WDR1: variants seen among roughly 807,000 people sequenced by gnomAD.
The protein encoded by WDR1 is WD repeat domain 1.
WDR1 carries 21 observed loss-of-function variants against 71.9 expected under a neutral mutation model. The ratio of observed to expected loss-of-function variants is 0.29; its 90% CI spans 0.21 to 0.42. The LOEUF is 0.42. Ranked by LOEUF, WDR1 falls within the 10% of genes least tolerant of loss-of-function variation. The pLI, the probability that WDR1 is intolerant of heterozygous loss-of-function variation, is 1.00. For synonymous variants in WDR1, 424 were observed against 347.4 expected, an observed-to-expected ratio of 1.22 and a Z score of -2.45; for missense variants, 696 against 824.5, an observed-to-expected ratio of 0.84 and a Z score of 1.91.
intron 7 of WDR1, 129 bp downstream of exon 7, chr4:10,088,164 T>C (rs1486206316): frequency 3.9e-6 from 4 of 1,015,962 alleles, no homozygotes; most frequent in African/African-American, 1.6e-5. Flanking sequence ...TCTGGGCAGA[T>C]ATAAAACCGC....
At chr4:10,091,793 G>A (rs1283395394) in intron 5 of WDR1, 2 of 152,306 alleles carry the variant, frequency 1.3e-5, no homozygotes, top group Non-Finnish European at 2.9e-5. Context: ...ACGGTCCCTT[G>A]TCCATGTCAG....
intron 2 of WDR1, among the ~76,000 whole-genome samples, chr4:10,110,253 G>A (rs534044003): frequency 6.6e-6 from 1 of 152,320 alleles, no homozygotes; most frequent in East Asian, 1.9e-4. Flanking sequence ...AGACGGCGAA[G>A]AGACGCACAC....
intron 3 of WDR1, among the ~76,000 whole-genome samples, chr4:10,101,756 C>G (rs978280734): frequency 2.0e-5 from 3 of 152,252 alleles, no homozygotes; most frequent in Non-Finnish European, 4.4e-5. Context: ...TGACAGGGCA[C>G]GGACAATGTG....
chr4:10,101,284 G>A (rs982299938), intron 3 of WDR1, among the ~76,000 whole-genome samples: 1 of 152,258 alleles, frequency 6.6e-6, no homozygotes. Flanking sequence ...CACTTCAGCA[G>A]TCATGAACCA....
chr4:10,091,004 G>T (rs1310903152), intron 5 of WDR1, among the ~76,000 whole-genome samples: 1 of 152,264 alleles, frequency 6.6e-6, no homozygotes, highest in Non-Finnish European at 1.5e-5. Context: ...TCAGGTCTGT[G>T]ATCAGCTCAT....
chr4:10,088,821 C>T (rs1390307369), intron 5 of WDR1, 80 bp from the exon 6 acceptor site: 1 of 1,084,010 alleles, frequency 9.2e-7, no homozygotes, highest in Non-Finnish European at 1.4e-6. Flanking sequence ...TGAAACACAG[C>T]TTGCAGCTCC....
chr4:10,106,787 C>A (rs1405731009), intron 2 of WDR1, among the ~76,000 whole-genome samples: 1 of 152,170 alleles, frequency 6.6e-6, no homozygotes, highest in African/African-American at 2.4e-5. Flanking sequence ...CTCCAAACTG[C>A]AGATAATGAC....
chr4:10,099,571 G>A (rs1015659121), intron 3 of WDR1, among the ~76,000 whole-genome samples: 33 of 152,234 alleles, frequency 2.2e-4, no homozygotes, highest in Non-Finnish European at 3.7e-4. Context: ...GGAATGGGAC[G>A]GCACTGGCTA....
At chr4:10,089,663 T>C (rs1379056345) in intron 5 of WDR1, among the ~76,000 whole-genome samples, 1 of 152,204 alleles carries the variant, frequency 6.6e-6, no homozygotes, top group African/African-American at 2.4e-5. Flanking sequence ...GCACATCCAG[T>C]GCTAACAACT....
In WDR1 at chr4:10,107,110, G is replaced by A. The variant is rs147031819; in HGVS notation, c.139-3124C>T. 8.4e-3 allele frequency among the ~76,000 whole-genome samples: 1,273 copies of A among 152,308 alleles called. 11 individuals are homozygous for A. The highest frequency in any genetic ancestry group is 0.014 in the Non-Finnish European group (960 of 68,032). ...CAATTCCAGGAGCCCCAGTGCTACTGTAGGCAAAAGTTCTGTCTCCCCATC... is the reference window on the plus strand; with the variant it reads ...CAATTCCAGGAGCCCCAGTGCTACTATAGGCAAAAGTTCTGTCTCCCCATC... On this transcript the variant is annotated intron_variant, in intron 2 of 14. Coordinates refer to ENST00000499869, the MANE Select transcript of WDR1 (RefSeq NM_017491.5).
intron 1 of WDR1, 139 bp from the exon 2 acceptor site, chr4:10,116,373 G>A (rs1472326573): frequency 3.9e-6 from 5 of 1,281,932 alleles, no homozygotes; most frequent in Non-Finnish European, 5.4e-6. Flanking sequence ...TTCCACGAGC[G>A]CCAGGAACCG....
intron 14 of WDR1, 54 bp from the exon 15 acceptor site, chr4:10,075,538 A>G: frequency 1.3e-6 from 2 of 1,514,686 alleles, no homozygotes; most frequent in Non-Finnish European, 1.8e-6. Flanking sequence ...GCAACTATGT[A>G]CATCTTGGAC....
At chr4:10,087,607 G>A in intron 8 of WDR1, 100 bp downstream of exon 8, 3 of 1,198,038 alleles carry the variant, frequency 2.5e-6, no homozygotes, top group Non-Finnish European at 3.5e-6. Context: ...CACCTCTCTA[G>A]CTTCCACCTG....
At chr4:10,093,445 C>T (rs534602795) in intron 5 of WDR1, among the ~76,000 whole-genome samples, 3 of 152,366 alleles carry the variant, frequency 2.0e-5, no homozygotes, top group South Asian at 4.1e-4. Context: ...ACCCATCCCC[C>T]GCAGCAAACT....
Position 10,084,439 on chromosome 4 carries a change from A to T in WDR1, c.1039+4T>A. On this transcript the variant is annotated splice_donor_region_variant and intron_variant, in intron 9 of 14. Transcript: ENST00000499869. ...CGGAGCCAGCTCTTTGAGTCAAAGG[A>T]TATTAATGTGTCCGTCGTGGCTCCC... 1 of 1,613,362 alleles carries T rather than the reference A, an allele frequency of 6.2e-7. No homozygotes were observed. The highest frequency in any genetic ancestry group is 8.5e-7 in the Non-Finnish European group (1 of 1,179,522).
intron 5 of WDR1, among the ~76,000 whole-genome samples, chr4:10,090,877 GC>G (rs1481090862): frequency 2.0e-5 from 3 of 152,268 alleles, no homozygotes; most frequent in African/African-American, 7.2e-5. Flanking sequence ...TTCAGGGAGT[GC>G]TGTCATGGTG....
chr4:10,082,753 G>C (rs1354067834), intron 10 of WDR1, among the ~76,000 whole-genome samples: 1 of 152,220 alleles, frequency 6.6e-6, no homozygotes, highest in Non-Finnish European at 1.5e-5. Flanking sequence ...GGTTCCTGGA[G>C]AACAGGGCTG....
chr4:10,099,154 GGGCGGGGGAGGGGGGGA>G lies in WDR1; in HGVS notation c.230-32_230-16del, dbSNP rs1389845099. The stretch of plus-strand genomic sequence containing the variant: ...CCCAGACACATCTGTGGGGCACAGC[GGGCGGGGGAGGGGGGGA>G]GGCGGTGGTGGGGTAAAGGGCAGGG... On this transcript the variant is annotated splice_polypyrimidine_tract_variant and intron_variant, in intron 3 of 14. Coordinates refer to ENST00000499869, the MANE Select transcript of WDR1 (RefSeq NM_017491.5). 4 of 1,573,666 alleles carry G rather than the reference GGGCGGGGGAGGGGGGGA, an allele frequency of 2.5e-6. No homozygotes were observed. Among genetic ancestry groups the G allele is most frequent in the South Asian group, 1.1e-5 (1 of 89,596 alleles).
At chr4:10,103,782 A>ACCCCCCCCCC in intron 3 of WDR1, 114 bp downstream of exon 3, 1 of 72,402 alleles carries the variant, frequency 1.4e-5, no homozygotes. Flanking sequence ...CTGCTCCCCC[A>ACCCCCCCCCC]CCCCCCACCT....
Sources: allele counts gnomAD v4.1 joint callset (sites outside exome capture counted in the v4.1 genomes callset), GRCh38; gene constraint gnomAD v4.1.1; transcripts MANE v1.5; gene names NCBI Gene and HGNC (gene_info 2026-07-23, HGNC 2026-07-21).